GNG3: variants seen among roughly 807,000 people sequenced by gnomAD.
GNG3 encodes the protein G protein subunit gamma 3.
A neutral mutation model predicts 5.6 loss-of-function variants in GNG3; 4 were observed. The ratio of observed to expected loss-of-function variants is 0.71; its 90% CI spans 0.35 to 1.63. GNG3 has a LOEUF of 1.63. Among genes scored for constraint, GNG3 ranks in the 40% most tolerant of loss-of-function variants. The probability of loss-of-function intolerance (pLI) is 0.05; values close to 1 mark genes in which losing one functional copy is unlikely to be tolerated. For missense variants in GNG3, 62 were observed against 96.6 expected (o/e 0.64, Z 1.50); for synonymous variants, 30 against 33.5 (o/e 0.89, Z 0.36).
chr11:62,707,449 C>T (rs138960409), upstream of GNG3: 183 of 692,780 alleles, frequency 2.6e-4, 4 homozygotes, highest in East Asian at 4.6e-3. Flanking sequence ...GCAGCCAGTA[C>T]AGACTCCACT....
chr11:62,708,127 TC>T (rs2083573737), intron 1 of GNG3, 167 bp from the exon 2 acceptor site: 1 of 628,522 alleles, frequency 1.6e-6, no homozygotes, highest in South Asian at 1.8e-5. Flanking sequence ...CCTATTTTTT[TC>T]CATGAGGAAT....
At chr11:62,706,559 G>T (rs1324196679), upstream of GNG3, 2 of 463,428 alleles carry the variant, frequency 4.3e-6, no homozygotes, top group Non-Finnish European at 8.8e-6. Flanking sequence ...TGCGCTGACT[G>T]CAGCCTCCGC....
At chr11:62,708,153 G>C in intron 1 of GNG3, 142 bp from the exon 2 acceptor site, 1 of 686,898 alleles carries the variant, frequency 1.5e-6, no homozygotes, top group Non-Finnish European at 2.7e-6. Context: ...GGATGAGACA[G>C]TCCACTGGAG....
At chr11:62,707,523 C>G (rs1248734786), upstream of GNG3, 3 of 619,134 alleles carry the variant, frequency 4.8e-6, no homozygotes, top group South Asian at 5.6e-5. Context: ...GGCCTCAGCT[C>G]TGTTGGGGAG....
chr11:62,707,564 T>TG, upstream of GNG3: 1 of 587,176 alleles, frequency 1.7e-6, no homozygotes. Context: ...ATGCCTGCAA[T>TG]GGGGGAGGGG....
rs551074054 is a variant in GNG3 at position 62,707,901 on chromosome 11, C to T, written c.-16C>T. The T allele has an allele frequency of 2.5e-5, 7 of 277,160 alleles. No homozygotes were observed. Among genetic ancestry groups the T allele is most frequent in the East Asian group, 8.3e-5 (1 of 12,094 alleles). The allele number at this position is 277,160 out of a possible 1,614,324, so 17.2% of individuals were successfully genotyped here. A position where few individuals can be genotyped will look rare whatever the true frequency, so the allele number is the denominator to read the frequency against. On this transcript the variant is annotated 5_prime_UTR_variant, in exon 1 of 3. Coordinates refer to ENST00000294117, the MANE Select transcript of GNG3 (RefSeq NM_012202.5). ...ACCCTACACCCAGGGCTGCTACTGC[C>T]GCTTGTGGCTTCAGGTAAGTAATGG...
At chr11:62,706,817 T>C (rs2083548418), upstream of GNG3, 2 of 590,280 alleles carry the variant, frequency 3.4e-6, no homozygotes. Context: ...GTGGTAGCAT[T>C]GTGGACCTCC....
intron 2 of GNG3, 81 bp downstream of exon 2, chr11:62,708,475 G>A: frequency 8.0e-7 from 1 of 1,254,096 alleles, no homozygotes; most frequent in Non-Finnish European, 1.2e-6. Flanking sequence ...GATAAGAGAT[G>A]CGTTCTTTCC....
intron 2 of GNG3, 96 bp downstream of exon 2, chr11:62,708,490 C>A: frequency 8.2e-7 from 1 of 1,214,200 alleles, no homozygotes; most frequent in Non-Finnish European, 1.2e-6. Context: ...CTTTCCTTCA[C>A]TCCCTGAGGT....
upstream of GNG3, chr11:62,706,591 A>C (rs1391123310): frequency 1.1e-5 from 5 of 468,754 alleles, no homozygotes; most frequent in Non-Finnish European, 2.2e-5. Context: ...TTGAGACTGC[A>C]ATCACAGCCC....
At chr11:62,707,964 G>C (rs2083570649) in intron 1 of GNG3, 49 bp downstream of exon 1, 3 of 363,360 alleles carry the variant, frequency 8.3e-6, no homozygotes. Flanking sequence ...GGAGCAGACA[G>C]GGGTGATGTG....
rs1272884136 is a variant in GNG3 at position 62,708,875 on chromosome 11, TTG to T, written c.*72_*73del. 1 of 1,237,918 alleles carries T rather than the reference TTG, an allele frequency of 8.1e-7. No individual in the cohort carries two copies. The highest frequency in any genetic ancestry group is 1.5e-5 in the African/African-American group (1 of 67,356). 76.7% of individuals were successfully genotyped at this position (1,237,918 alleles called of 1,614,324 possible). On this transcript the variant is annotated 3_prime_UTR_variant, in exon 3 of 3. Coordinates refer to ENST00000294117, the MANE Select transcript of GNG3 (RefSeq NM_012202.5). ...GGGCCCTTCCTTAGGTCAGTAATTGTTGTGAGCCCCTTAGGCTCCTTGCATCC... is the reference window on the plus strand; with the variant it reads ...GGGCCCTTCCTTAGGTCAGTAATTGTTGAGCCCCTTAGGCTCCTTGCATCC...
intron 2 of GNG3, 60 bp from the exon 3 acceptor site, chr11:62,708,618 G>C: frequency 6.3e-7 from 1 of 1,598,244 alleles, no homozygotes. Flanking sequence ...ATTTGGGGAG[G>C]GAGGCTGCAG....
intron 1 of GNG3, 133 bp downstream of exon 1, chr11:62,708,048 A>G (rs1346058428): frequency 3.7e-6 from 2 of 540,604 alleles, no homozygotes; most frequent in East Asian, 6.3e-5. Flanking sequence ...AAAGCCTTAA[A>G]TCATTTGTGT....
In GNG3 at chr11:62,707,800, A is replaced by G; in HGVS notation, c.-117A>G. 1 of 257,494 alleles carries G rather than the reference A, an allele frequency of 3.9e-6. No individual in the cohort carries two copies. Among genetic ancestry groups the G allele is most frequent in the South Asian group, 4.9e-5 (1 of 20,202 alleles). The allele number at this position is 257,494 out of a possible 1,614,324, so 16.0% of individuals were successfully genotyped here. A position where few individuals can be genotyped will look rare whatever the true frequency, so the allele number is the denominator to read the frequency against. On this transcript the variant is annotated 5_prime_UTR_variant, in exon 1 of 3. Coordinates refer to ENST00000294117, the MANE Select transcript of GNG3 (RefSeq NM_012202.5). ...CCTTTCGTATAGTCACTGCTTCTGCATCAGATACTTTCAGCTGCAACTCCC... is the reference window on the plus strand; with the variant it reads ...CCTTTCGTATAGTCACTGCTTCTGCGTCAGATACTTTCAGCTGCAACTCCC...
At chr11:62,707,281 C>T (rs1005336475), upstream of GNG3, 3 of 1,151,778 alleles carry the variant, frequency 2.6e-6, no homozygotes, top group Non-Finnish European at 2.6e-6. Context: ...ACGCTGATAC[C>T]TGTGGCGCAT....
upstream of GNG3, chr11:62,706,467 G>A: frequency 4.9e-6 from 2 of 405,132 alleles, no homozygotes; most frequent in Admixed American, 3.4e-5. Context: ...GGCTCTCTCT[G>A]CGGCAGGTTT....
upstream of GNG3, chr11:62,707,591 G>A: frequency 1.8e-6 from 1 of 560,160 alleles, no homozygotes; most frequent in South Asian, 2.0e-5. Flanking sequence ...GTGAACTAGC[G>A]ACAGTGGGGG....
upstream of GNG3, chr11:62,707,250 A>ATCC: frequency 6.7e-7 from 1 of 1,483,758 alleles, no homozygotes; most frequent in Non-Finnish European, 9.2e-7. Flanking sequence ...CTTGTGGCTA[A>ATCC]AACGTGAAGT....
Sources: gnomAD v4.1 joint callset for allele counts on GRCh38, gnomAD v4.1.1 for gene constraint, MANE v1.5 for transcripts, NCBI Gene and HGNC (gene_info 2026-07-23, HGNC 2026-07-21) for gene names.